TNNI3K: variants seen among roughly 807,000 people sequenced by gnomAD.
TNNI3K encodes the protein serine/threonine-protein kinase TNNI3K.
TNNI3K carries 140 observed loss-of-function variants against 114.5 expected under a neutral mutation model. That is an observed-to-expected ratio of 1.22 (90% CI 1.07 to 1.41). TNNI3K has a LOEUF of 1.41. Ranked by LOEUF, TNNI3K falls within the 40% of genes most tolerant of loss-of-function variation. The pLI is 0.00. For missense variants in TNNI3K, 1,125 were observed against 1,007.6 expected (o/e 1.12, Z -1.58); for synonymous variants, 347 against 347.5 (o/e 1.00, Z 0.02).
chr1:74,347,891 A>T (rs909021483), intron 9 of TNNI3K, among the ~76,000 whole-genome samples: 3 of 152,034 alleles, frequency 2.0e-5, no homozygotes, highest in Non-Finnish European at 4.4e-5. Flanking sequence ...TAGATTCTGG[A>T]TATTAGCCCT....
Position 74,369,565 on chromosome 1 carries a change from C to G in TNNI3K, c.1647C>G (p.Ser549=). ...TQYISGGSLF[S]LLHEQKRILD... is the part of the protein sequence containing the mutation. ...ACATATCAGGGGGTTCTCTGTTCTC[C>G]CTCCTTCATGAGCAGAAGAGGTATG... is the stretch of plus-strand genomic sequence containing the variant. Residue 549 remains serine (S), a synonymous_variant, in exon 16 of 25, where the codon TCC becomes TCG. Transcript: ENST00000326637. 6.2e-7 allele frequency: 1 copy of G among 1,609,292 alleles called. No homozygotes were observed. Among genetic ancestry groups the G allele is most frequent in the Non-Finnish European group, 8.5e-7 (1 of 1,177,820 alleles).
At chr1:74,409,346 G>A (rs1323625768) in intron 17 of TNNI3K, among the ~76,000 whole-genome samples, 2 of 152,096 alleles carry the variant, frequency 1.3e-5, no homozygotes, top group African/African-American at 2.4e-5. Context: ...TATCTAATCT[G>A]TGTTACTACC....
intron 5 of TNNI3K, among the ~76,000 whole-genome samples, chr1:74,290,344 C>G (rs1204077871): frequency 6.6e-6 from 1 of 151,202 alleles, no homozygotes; most frequent in Non-Finnish European, 1.5e-5. Flanking sequence ...AAACCCAGCA[C>G]CAATATATAA....
intron 23 of TNNI3K, among the ~76,000 whole-genome samples, chr1:74,523,694 A>G (rs1222153361): frequency 6.6e-6 from 1 of 152,234 alleles, no homozygotes; most frequent in Non-Finnish European, 1.5e-5. Context: ...GTAGGTGATC[A>G]ATACCTATTT....
intron 20 of TNNI3K, among the ~76,000 whole-genome samples, chr1:74,459,481 A>T (rs1381762197): frequency 6.6e-6 from 1 of 151,692 alleles, no homozygotes; most frequent in Non-Finnish European, 1.5e-5. Context: ...AAGGAAAAAG[A>T]GGTAGGGGAG....
At chr1:74,273,930 G>T (rs1417887) in intron 5 of TNNI3K, among the ~76,000 whole-genome samples, 89,317 of 151,730 alleles carry the variant, frequency 0.59, 29,964 homozygotes, top group East Asian at 0.82. Context: ...TATTCAAAAT[G>T]AATATTTTTG....
rs1353737550 is a variant in TNNI3K at position 74,343,721 on chromosome 1, G to A, written c.932+542G>A. Among the ~76,000 whole-genome samples, 6 of 152,278 alleles carry A rather than the reference G, an allele frequency of 3.9e-5. No homozygotes were observed. The South Asian group carries it at 8.3e-4, about 21-fold the overall frequency. On this transcript the variant is annotated intron_variant, in intron 9 of 24. Coordinates refer to ENST00000326637, the MANE Select transcript of TNNI3K (RefSeq NM_015978.3). ...CATCAGCTCTTCTCTAGGAATTCGTGAGAGCCCTTTACGGTGTGCTCTAGA... is the reference window on the plus strand; with the variant it reads ...CATCAGCTCTTCTCTAGGAATTCGTAAGAGCCCTTTACGGTGTGCTCTAGA...
At chr1:74,390,976 A>AAG in intron 17 of TNNI3K, among the ~76,000 whole-genome samples, 1 of 151,692 alleles carries the variant, frequency 6.6e-6, no homozygotes, top group Admixed American at 6.6e-5. Context: ...AAAAAAAAAA[A>AAG]AAACTGTGTG....
chr1:74,281,242 C>T (rs148274315), intron 5 of TNNI3K, among the ~76,000 whole-genome samples: 10 of 152,170 alleles, frequency 6.6e-5, no homozygotes, highest in Non-Finnish European at 1.0e-4. Flanking sequence ...TGTGACCCAG[C>T]GCAGTCTCAG....
chr1:74,306,779 A>T (rs1363268058), intron 5 of TNNI3K, among the ~76,000 whole-genome samples: 1 of 151,982 alleles, frequency 6.6e-6, no homozygotes, highest in Non-Finnish European at 1.5e-5. Flanking sequence ...TGGATGCATA[A>T]TTTTTTAACA....
At chr1:74,438,810 G>T (rs1242955029) in intron 19 of TNNI3K, among the ~76,000 whole-genome samples, 3 of 152,032 alleles carry the variant, frequency 2.0e-5, no homozygotes, top group Non-Finnish European at 4.4e-5. Flanking sequence ...TTGTACGGAG[G>T]GACTTGTAAT....
intron 19 of TNNI3K, among the ~76,000 whole-genome samples, chr1:74,438,822 T>C (rs1443216074): frequency 6.6e-6 from 1 of 152,094 alleles, no homozygotes; most frequent in East Asian, 1.9e-4. Flanking sequence ...ACTTGTAATA[T>C]TTTATGGGCT....
chr1:74,481,688 AC>A (rs1320138362), intron 21 of TNNI3K, among the ~76,000 whole-genome samples: 10 of 152,184 alleles, frequency 6.6e-5, no homozygotes, highest in Admixed American at 1.3e-4. Flanking sequence ...AAATCCCTTC[AC>A]CATAATCACC....
chr1:74,518,869 TTC>T (rs1453944568), intron 23 of TNNI3K, among the ~76,000 whole-genome samples: 1,234 of 41,764 alleles, frequency 0.03, 34 homozygotes, highest in Admixed American at 0.049. Flanking sequence ...TTTATTTTTT[TTC>T]CCCTTTTTTT....
intron 4 of TNNI3K, among the ~76,000 whole-genome samples, chr1:74,264,279 A>G (rs1377469940): frequency 6.6e-6 from 1 of 151,936 alleles, no homozygotes; most frequent in East Asian, 1.9e-4. Context: ...GGAGACATAT[A>G]GGTATGAACC....
intron 4 of TNNI3K, among the ~76,000 whole-genome samples, chr1:74,255,962 T>C (rs1655264016): frequency 6.6e-6 from 1 of 152,254 alleles, no homozygotes; most frequent in Non-Finnish European, 1.5e-5. Context: ...ATTAATGCTT[T>C]TCTTGTAGAA....
chr1:74,432,814 C>T (rs767565569), intron 17 of TNNI3K, among the ~76,000 whole-genome samples: 48 of 152,084 alleles, frequency 3.2e-4, no homozygotes, highest in Non-Finnish European at 5.6e-4. Flanking sequence ...AGTCCTGCAT[C>T]GTCCTTTGGG....
intron 9 of TNNI3K, among the ~76,000 whole-genome samples, chr1:74,348,780 T>A (rs1661163586): frequency 6.6e-6 from 1 of 152,182 alleles, no homozygotes; most frequent in South Asian, 2.1e-4. Context: ...AGTTCACTCA[T>A]GATTTGGCTC....
chr1:74,277,012 T>C (rs1190372600), intron 5 of TNNI3K, among the ~76,000 whole-genome samples: 1 of 152,168 alleles, frequency 6.6e-6, no homozygotes, highest in Non-Finnish European at 1.5e-5. Context: ...TATGCTTCTT[T>C]GTACAAGGCC....
Sources: allele counts gnomAD v4.1 joint callset (sites outside exome capture counted in the v4.1 genomes callset), GRCh38; gene constraint gnomAD v4.1.1; transcripts MANE v1.5; gene names NCBI Gene and HGNC (gene_info 2026-07-23, HGNC 2026-07-21).